CHSY3: variants seen among roughly 807,000 people sequenced by gnomAD.
CHSY3 encodes the protein N-acetylgalactosaminyl-proteoglycan 3-beta-glucuronosyltransferase 3.
A neutral mutation model predicts 67.2 loss-of-function variants in CHSY3; 35 were observed. The ratio of observed to expected loss-of-function variants is 0.52; its 90% confidence interval spans 0.40 to 0.69. The LOEUF is 0.69. Ranked by LOEUF, CHSY3 falls within the 30% of genes least tolerant of loss-of-function variation. The pLI is 0.00. For missense variants in CHSY3, 1,069 were observed against 1,138.5 expected, an observed-to-expected ratio of 0.94 and a Z score of 0.88; for synonymous variants, 474 against 434.7, an observed-to-expected ratio of 1.09 and a Z score of -1.12.
intron 2 of CHSY3, among the ~76,000 whole-genome samples, chr5:130,102,977 T>G (rs2149699590): frequency 6.6e-6 from 1 of 152,150 alleles, no homozygotes; most frequent in Admixed American, 6.6e-5. Context: ...AAATATGGGT[T>G]ATTTATTTGC....
intron 2 of CHSY3, among the ~76,000 whole-genome samples, chr5:129,926,095 C>G (rs1200134834): frequency 6.6e-6 from 1 of 151,920 alleles, no homozygotes; most frequent in Non-Finnish European, 1.5e-5. Context: ...TATATTCTGT[C>G]ATTGAGAGTT....
intron 2 of CHSY3, among the ~76,000 whole-genome samples, chr5:129,929,809 G>T (rs997278676): frequency 2.0e-5 from 3 of 151,974 alleles, no homozygotes; most frequent in South Asian, 4.2e-4. Flanking sequence ...GATAAATGGG[G>T]TTATTACCAC....
rs5871376 is a variant in CHSY3 at position 130,024,137 on chromosome 5, C to CAAAAAAAAAAAAA, written c.1086+115782_1086+115794dup. On this transcript the variant is annotated intron_variant, in intron 2 of 2. Coordinates refer to ENST00000305031, the MANE Select transcript of CHSY3 (RefSeq NM_175856.5). Reference sequence around the variant, plus strand: ...CTCATCCTTCCCTATGATTGATGGTCAAAAAAAAAAAAAAAAAGCCTGTCT... The same window carrying CAAAAAAAAAAAAA: ...CTCATCCTTCCCTATGATTGATGGTCAAAAAAAAAAAAAAAAAAAAAAAAAAAAAAGCCTGTCT... Among the ~76,000 whole-genome samples the CAAAAAAAAAAAAA allele has an allele frequency of 2.5e-4, 28 of 109,992 alleles. No homozygotes were observed. In the East Asian group the frequency reaches 5.3e-3, roughly 21 times the overall value. 72.2% of individuals were successfully genotyped at this position (109,992 alleles called of 152,430 possible).
chr5:130,004,208 T>A (rs574294599), intron 2 of CHSY3, among the ~76,000 whole-genome samples: 55 of 152,334 alleles, frequency 3.6e-4, no homozygotes, highest in African/African-American at 1.3e-3. Context: ...TGTTTTTGTA[T>A]CTTCCATATA....
intron 2 of CHSY3, among the ~76,000 whole-genome samples, chr5:130,161,944 G>A (rs1316531989): frequency 6.6e-6 from 1 of 151,344 alleles, no homozygotes; most frequent in East Asian, 1.9e-4. Context: ...GGAGGCTGAG[G>A]TGGGAGAATC....
chr5:130,086,220 TC>T (rs895891569), intron 2 of CHSY3, among the ~76,000 whole-genome samples: 2 of 152,106 alleles, frequency 1.3e-5, no homozygotes, highest in African/African-American at 4.8e-5. Flanking sequence ...TGTTAAATTC[TC>T]CCATTATTAT....
At chr5:130,082,882 A>G (rs953796159) in intron 2 of CHSY3, among the ~76,000 whole-genome samples, 1 of 148,380 alleles carries the variant, frequency 6.7e-6, no homozygotes, top group Non-Finnish European at 1.5e-5. Flanking sequence ...ATATATGTAT[A>G]TACACACACA....
At chr5:130,178,247 A>ATTTTTT (rs1356162457) in intron 2 of CHSY3, among the ~76,000 whole-genome samples, 11 of 69,198 alleles carry the variant, frequency 1.6e-4, no homozygotes, top group African/African-American at 6.2e-4. Context: ...ATATATATAT[A>ATTTTTT]TATATATTTT....
chr5:130,116,826 C>T (rs887924545), intron 2 of CHSY3, among the ~76,000 whole-genome samples: 2 of 151,438 alleles, frequency 1.3e-5, no homozygotes, highest in African/African-American at 4.9e-5. Context: ...GACAAATTCT[C>T]CTGAAGTGAA....
intron 2 of CHSY3, among the ~76,000 whole-genome samples, chr5:130,136,671 G>A (rs1046117324): frequency 3.3e-5 from 5 of 152,192 alleles, no homozygotes; most frequent in African/African-American, 1.2e-4. Context: ...AAAATCCTAT[G>A]AAGTAGAGAT....
intron 2 of CHSY3, among the ~76,000 whole-genome samples, chr5:129,934,084 G>A (rs1428922921): frequency 6.6e-6 from 1 of 152,052 alleles, no homozygotes; most frequent in East Asian, 1.9e-4. Context: ...TTTATTATGT[G>A]AGGCAACCTA....
chr5:130,009,932 A>G (rs915077502), intron 2 of CHSY3, among the ~76,000 whole-genome samples: 2 of 152,198 alleles, frequency 1.3e-5, no homozygotes, highest in African/African-American at 4.8e-5. Flanking sequence ...CAAAAAGAAG[A>G]CTTACCTATC....
At chr5:129,950,215 G>A (rs1283467447) in intron 2 of CHSY3, among the ~76,000 whole-genome samples, 3 of 150,964 alleles carry the variant, frequency 2.0e-5, no homozygotes, top group Admixed American at 6.6e-5. Flanking sequence ...GAAAATATTT[G>A]ACAAAATTCA....
chr5:129,975,762 T>C (rs12719407), intron 2 of CHSY3, among the ~76,000 whole-genome samples: 1,749 of 152,296 alleles, frequency 0.011, 16 homozygotes, highest in Middle Eastern at 0.1. Flanking sequence ...TGTTTGGTGA[T>C]GATGATGGTG....
At chr5:129,939,235 G>C (rs1042728436) in intron 2 of CHSY3, among the ~76,000 whole-genome samples, 2 of 152,152 alleles carry the variant, frequency 1.3e-5, no homozygotes, top group Non-Finnish European at 2.9e-5. Flanking sequence ...GGAGAAGTCT[G>C]TCTCCCCAAC....
intron 2 of CHSY3, among the ~76,000 whole-genome samples, chr5:129,952,485 T>G (rs1018876653): frequency 6.6e-6 from 1 of 152,220 alleles, no homozygotes; most frequent in African/African-American, 2.4e-5. Flanking sequence ...TAACTTAAGA[T>G]GCTAATTTGC....
At position 130,185,822 on chromosome 5, in the gene CHSY3, A is replaced by C. The variant is rs763106343; in HGVS notation, c.*31A>C. 1.4e-6 allele frequency: 2 copies of C among 1,421,652 alleles called. No individual in the cohort carries two copies. Among genetic ancestry groups the C allele is most frequent in the South Asian group, 1.5e-5 (1 of 67,020 alleles). The allele number at this position is 1,421,652 out of a possible 1,614,324, so 88.1% of individuals were successfully genotyped here. Reference sequence around the variant, plus strand: ...CAGGCAACACATTTTGCCTTTTTTAAGGGGAGTTTACCTCATTGTTGGTTG... The same window carrying C: ...CAGGCAACACATTTTGCCTTTTTTACGGGGAGTTTACCTCATTGTTGGTTG... On this transcript the variant is annotated 3_prime_UTR_variant, in exon 3 of 3. Coordinates refer to ENST00000305031, the MANE Select transcript of CHSY3 (RefSeq NM_175856.5).
intron 2 of CHSY3, among the ~76,000 whole-genome samples, chr5:130,004,055 C>G (rs955301728): frequency 6.6e-5 from 10 of 152,154 alleles, no homozygotes; most frequent in Non-Finnish European, 1.0e-4. Context: ...CTGAAACATT[C>G]AAGGCCATTG....
chr5:129,981,249 A>G (rs988586485), intron 2 of CHSY3, among the ~76,000 whole-genome samples: 4 of 151,574 alleles, frequency 2.6e-5, no homozygotes, highest in African/African-American at 9.7e-5. Context: ...AATCGACTAT[A>G]TTTATGTGGA....
Sources: allele counts gnomAD v4.1 joint callset (sites outside exome capture counted in the v4.1 genomes callset), GRCh38; gene constraint gnomAD v4.1.1; transcripts MANE v1.5; gene names NCBI Gene and HGNC (gene_info 2026-07-23, HGNC 2026-07-21).